Variants in SYTL3 observed in about 807,000 individuals in gnomAD.
SYTL3 encodes the protein synaptotagmin like 3, also known as synaptotagmin-like protein 3.
Under a neutral mutation model 82.1 loss-of-function variants are expected in SYTL3, and 88 were observed. That is an observed-to-expected ratio of 1.07 (90% CI 0.90 to 1.28). The LOEUF (loss-of-function observed/expected upper bound fraction) is 1.28, where lower values mean the gene tolerates loss of function less well. Ranked by LOEUF, SYTL3 falls within the 50% of genes most tolerant of loss-of-function variation. The pLI, the probability that SYTL3 is intolerant of heterozygous loss-of-function variation, is 0.00. For missense variants in SYTL3, 831 were observed against 757.6 expected (o/e 1.10, Z -1.14); for synonymous variants, 311 against 289.4 (o/e 1.07, Z -0.76).
At chr6:158,671,356 G>A (rs1044644373) in intron 5 of SYTL3, among the ~76,000 whole-genome samples, 1 of 152,136 alleles carries the variant, frequency 6.6e-6, no homozygotes, top group African/African-American at 2.4e-5. Context: ...GTCACCTTAC[G>A]TAGTTCAGCT....
At chr6:158,720,406 C>CAAA (rs10640552) in intron 10 of SYTL3, among the ~76,000 whole-genome samples, 14,022 of 87,944 alleles carry the variant, frequency 0.16, 1,306 homozygotes, top group South Asian at 0.33. Context: ...AACTTTGTCT[C>CAAA]AAAAAAAAAA....
At chr6:158,648,407 C>T (rs1488736778), upstream of SYTL3, among the ~76,000 whole-genome samples, 37 of 151,886 alleles carry the variant, frequency 2.4e-4, no homozygotes, top group Middle Eastern at 6.8e-3. Context: ...CTGGCTAACA[C>T]GGTGAAACCC....
chr6:158,710,871 C>T (rs1782691416), intron 8 of SYTL3, among the ~76,000 whole-genome samples: 1 of 152,094 alleles, frequency 6.6e-6, no homozygotes, highest in African/African-American at 2.4e-5. Flanking sequence ...CCCTCCACCT[C>T]CCGGGTTCAA....
chr6:158,711,784 C>T (rs1782794968), intron 8 of SYTL3, among the ~76,000 whole-genome samples: 1 of 152,146 alleles, frequency 6.6e-6, no homozygotes, highest in Non-Finnish European at 1.5e-5. Flanking sequence ...AGGGTAACTT[C>T]CTGATGTTGC....
chr6:158,699,008 G>A (rs1780865129), intron 6 of SYTL3, among the ~76,000 whole-genome samples: 1 of 152,206 alleles, frequency 6.6e-6, no homozygotes, highest in Non-Finnish European at 1.5e-5. Context: ...CTGACTGCCT[G>A]TCTGTAGCAC....
rs202000849 is a variant in SYTL3 at position 158,757,242 on chromosome 6, G to A, written c.1169G>A (p.Arg390Gln). Residue 390 changes from arginine to glutamine, a missense_variant, in exon 14 of 18, where the codon CGG (arginine) becomes CAG (glutamine). Arg to Gln is a conservative substitution (Grantham distance 43). Transcript: ENST00000611299. Reference protein sequence around the residue: ...YQVAPAQLVTRQLQVSVWHLG... With the variant: ...YQVAPAQLVTQQLQVSVWHLG... ...GTGGCCCCTGCCCAGCTGGTGACCC[G>A]GCAGCTGCAGGTCTCGGTGTGGCAT... The A allele has an allele frequency of 1.2e-4, 190 of 1,611,722 alleles. 1 individual carries two copies. The highest frequency in any genetic ancestry group is 3.4e-4 in the Middle Eastern group (2 of 5,890).
chr6:158,753,617 C>T (rs752414954), intron 13 of SYTL3, among the ~76,000 whole-genome samples: 21 of 151,202 alleles, frequency 1.4e-4, no homozygotes, highest in Non-Finnish European at 2.6e-4. Context: ...GTAGTCCCAG[C>T]TACTTGGGAG....
intron 11 of SYTL3, among the ~76,000 whole-genome samples, chr6:158,733,711 A>C (rs1785728165): frequency 1.3e-5 from 2 of 152,132 alleles, no homozygotes; most frequent in South Asian, 4.1e-4. Flanking sequence ...GCCAGTGGAA[A>C]CAAGACACTG....
intron 10 of SYTL3, among the ~76,000 whole-genome samples, chr6:158,720,954 G>A (rs552622641): frequency 1.3e-5 from 2 of 152,200 alleles, no homozygotes; most frequent in Non-Finnish European, 2.9e-5. Context: ...AGGATGGCCC[G>A]TGGGTCCTCG....
At chr6:158,739,402 G>GT (rs1264622447) in intron 11 of SYTL3, among the ~76,000 whole-genome samples, 7 of 152,012 alleles carry the variant, frequency 4.6e-5, no homozygotes, top group African/African-American at 1.7e-4. Context: ...CCTATGTATA[G>GT]TTTTTTTAAA....
intron 6 of SYTL3, among the ~76,000 whole-genome samples, chr6:158,703,341 G>A (rs568208804): frequency 8.5e-4 from 129 of 152,066 alleles, no homozygotes; most frequent in African/African-American, 3.0e-3. Context: ...GGCAAAGACG[G>A]GTATCCCTGC....
intron 2 of SYTL3, among the ~76,000 whole-genome samples, chr6:158,659,668 G>A (rs1031897863): frequency 1.1e-4 from 17 of 152,146 alleles, no homozygotes; most frequent in Non-Finnish European, 2.9e-5. Flanking sequence ...TGTCTTAGTC[G>A]TTTGCATTTT....
At chr6:158,648,508 G>A (rs557674701), upstream of SYTL3, among the ~76,000 whole-genome samples, 6 of 150,744 alleles carry the variant, frequency 4.0e-5, no homozygotes, top group African/African-American at 7.3e-5. Context: ...GGAGAATAGC[G>A]TGAACCCGGG....
chr6:158,719,969 A>T (rs1783884020), intron 10 of SYTL3, among the ~76,000 whole-genome samples: 1 of 152,130 alleles, frequency 6.6e-6, no homozygotes, highest in South Asian at 2.1e-4. Flanking sequence ...CATGTCTATA[A>T]TCCCAGCTAC....
At chr6:158,736,411 T>G (rs948615864) in intron 11 of SYTL3, among the ~76,000 whole-genome samples, 5 of 152,070 alleles carry the variant, frequency 3.3e-5, no homozygotes, top group African/African-American at 1.2e-4. Flanking sequence ...ATGGAGAATG[T>G]GCACACAGTA....
chr6:158,682,983 AC>A lies in SYTL3; in HGVS notation c.389del (p.Thr130MetfsTer19), dbSNP rs1167398907. 9.3e-6 allele frequency: 15 copies of A among 1,608,788 alleles called. No individual in the cohort carries two copies. Among genetic ancestry groups the A allele is most frequent in the Non-Finnish European group, 1.2e-5 (14 of 1,175,378 alleles). On this transcript the variant is annotated frameshift_variant, in exon 6 of 18. Transcript: ENST00000611299. LOFTEE classifies it high-confidence loss of function. ...FYEERAKKFPTGGKHETVGGQ... is the reference protein window; with the variant it reads ...FYEERAKKFPXGGKHETVGGQ... The stretch of plus-strand genomic sequence containing the variant: ...TGAGGAACGAGCCAAGAAATTTCCA[AC>A]TGGAGGTAAATGCTCTTTACTTTTT...
intron 6 of SYTL3, among the ~76,000 whole-genome samples, chr6:158,696,633 G>T (rs1780589053): frequency 6.6e-6 from 1 of 152,130 alleles, no homozygotes; most frequent in African/African-American, 2.4e-5. Flanking sequence ...ATCTTTTCAT[G>T]TGCTTATTGG....
chr6:158,708,519 C>A, intron 8 of SYTL3, 128 bp downstream of exon 8: 1 of 892,120 alleles, frequency 1.1e-6, no homozygotes, highest in Non-Finnish European at 1.8e-6. Context: ...GTGCCTGGAG[C>A]GGGTCACAAA....
intron 5 of SYTL3, among the ~76,000 whole-genome samples, chr6:158,670,640 G>A (rs535378475): frequency 6.2e-4 from 95 of 152,066 alleles, no homozygotes; most frequent in African/African-American, 2.0e-3. Flanking sequence ...AAATTAGGCC[G>A]GGCACAGTGG....
Sources: gnomAD v4.1 joint callset for allele counts (sites outside exome capture counted in the v4.1 genomes callset) on GRCh38, gnomAD v4.1.1 for gene constraint, MANE v1.5 for transcripts, NCBI Gene and HGNC (gene_info 2026-07-23, HGNC 2026-07-21) for gene names.